The following SGCZ variants were observed in gnomAD, a reference collection of about 807,000 sequenced individuals.
The protein encoded by SGCZ is zeta-sarcoglycan.
In SGCZ, 40 loss-of-function variants were observed where a neutral mutation model predicts 41.3. The observed-to-expected ratio is 0.97, with a 90% CI of 0.75 to 1.26. The LOEUF is 1.26. SGCZ is among the 50% of genes most tolerant of loss of function. The probability of loss-of-function intolerance (pLI) is 0.00; values close to 1 mark genes in which losing one functional copy is unlikely to be tolerated. For synonymous variants in SGCZ, 206 were observed against 137.5 expected, an observed-to-expected ratio of 1.50 and a Z score of -3.49; for missense variants, 552 against 369.8, an observed-to-expected ratio of 1.49 and a Z score of -4.04.
chr8:14,946,057 AATC>A (rs1585402030), intron 1 of SGCZ, among the ~76,000 whole-genome samples: 1 of 52,290 alleles, frequency 1.9e-5, no homozygotes, highest in South Asian at 6.4e-4. Flanking sequence ...TATATATATG[AATC>A]ATTCTGTATA....
intron 2 of SGCZ, among the ~76,000 whole-genome samples, chr8:14,458,759 G>C (rs1315347259): frequency 1.3e-5 from 2 of 151,876 alleles, no homozygotes; most frequent in African/African-American, 4.8e-5. Flanking sequence ...CTGCTAAAAG[G>C]GCCTAGTAGC....
rs527850410 is a variant in SGCZ, at chr8:14,683,717, G to A, written c.40-128791C>T. ...GTGTATAATTCTTCACTTAATTTTT[G>A]GTTTGTTTTATTCTTCCTTCAGTGA... On this transcript the variant is annotated intron_variant, in intron 1 of 7. Coordinates refer to ENST00000382080, the MANE Select transcript of SGCZ (RefSeq NM_139167.4). Among the ~76,000 whole-genome samples the A allele has an allele frequency of 1.6e-3, 241 of 152,014 alleles. 2 individuals carry two copies. Among genetic ancestry groups the A allele is most frequent in the African/African-American group, 5.7e-3 (236 of 41,508 alleles).
chr8:14,462,914 C>T (rs1800943350), intron 2 of SGCZ, among the ~76,000 whole-genome samples: 1 of 151,424 alleles, frequency 6.6e-6, no homozygotes, highest in Non-Finnish European at 1.5e-5. Context: ...GTATCACCTC[C>T]TTGGTTAATT....
chr8:15,126,158 C>G (rs1807673347), intron 1 of SGCZ, among the ~76,000 whole-genome samples: 2 of 151,954 alleles, frequency 1.3e-5, no homozygotes, highest in African/African-American at 4.8e-5. Flanking sequence ...AAAAGCAAAA[C>G]AAACAAACAA....
intron 5 of SGCZ, among the ~76,000 whole-genome samples, chr8:14,114,824 G>T (rs1585147354): frequency 6.6e-6 from 1 of 151,938 alleles, no homozygotes; most frequent in East Asian, 1.9e-4. Flanking sequence ...TGTTTTACTA[G>T]CAGTTGTTTC....
intron 1 of SGCZ, among the ~76,000 whole-genome samples, chr8:14,981,025 G>A (rs1005298727): frequency 1.3e-5 from 2 of 151,912 alleles, no homozygotes; most frequent in Admixed American, 6.6e-5. Flanking sequence ...ACCAAAAATC[G>A]GACTGCCCTA....
At chr8:14,235,645 T>C (rs374326257) in intron 4 of SGCZ, among the ~76,000 whole-genome samples, 6 of 152,154 alleles carry the variant, frequency 3.9e-5, no homozygotes, top group East Asian at 1.9e-4. Context: ...TAAGTAGCTA[T>C]TGTGTCTGAC....
chr8:14,635,850 C>A (rs148509882), intron 1 of SGCZ, among the ~76,000 whole-genome samples: 1,533 of 151,836 alleles, frequency 0.01, 23 homozygotes, highest in African/African-American at 0.035. Context: ...GAAAAGTAGA[C>A]ATATTTCCTG....
chr8:14,231,323 G>A (rs796270678), intron 4 of SGCZ, among the ~76,000 whole-genome samples: 11 of 151,924 alleles, frequency 7.2e-5, no homozygotes, highest in African/African-American at 2.7e-4. Context: ...GGGCAGAGGG[G>A]CACTGGCCCA....
At chr8:14,116,589 G>C (rs1005249381) in intron 5 of SGCZ, among the ~76,000 whole-genome samples, 2 of 152,066 alleles carry the variant, frequency 1.3e-5, no homozygotes, top group Non-Finnish European at 2.9e-5. Flanking sequence ...ATGAGAATCA[G>C]AACATGTGTG....
intron 1 of SGCZ, among the ~76,000 whole-genome samples, chr8:14,990,012 A>T (rs1235082398): frequency 1.3e-5 from 2 of 152,202 alleles, no homozygotes; most frequent in Non-Finnish European, 2.9e-5. Flanking sequence ...ATAGCTGCCT[A>T]CATTTTAATT....
At chr8:15,016,728 A>C (rs1386411942) in intron 1 of SGCZ, among the ~76,000 whole-genome samples, 1 of 152,170 alleles carries the variant, frequency 6.6e-6, no homozygotes, top group Non-Finnish European at 1.5e-5. Flanking sequence ...AGACTGGGTA[A>C]TGTATAAAGA....
At chr8:15,213,348 T>C (rs1445091196) in intron 1 of SGCZ, among the ~76,000 whole-genome samples, 1 of 151,848 alleles carries the variant, frequency 6.6e-6, no homozygotes, top group Non-Finnish European at 1.5e-5. Flanking sequence ...AAAATTTTTT[T>C]CCCTTTGGGT....
chr8:14,418,765 G>C (rs986632139), intron 2 of SGCZ, among the ~76,000 whole-genome samples: 1 of 151,762 alleles, frequency 6.6e-6, no homozygotes, highest in Non-Finnish European at 1.5e-5. Context: ...AAAATAAAAA[G>C]CATTCTTTTC....
intron 1 of SGCZ, among the ~76,000 whole-genome samples, chr8:15,221,827 T>C (rs1801613542): frequency 6.6e-6 from 1 of 152,194 alleles, no homozygotes; most frequent in African/African-American, 2.4e-5. Flanking sequence ...AAACACTGCA[T>C]TTCGTTTTGT....
At chr8:14,638,291 G>A (rs1035385139) in intron 1 of SGCZ, among the ~76,000 whole-genome samples, 1 of 151,820 alleles carries the variant, frequency 6.6e-6, no homozygotes, top group African/African-American at 2.4e-5. Flanking sequence ...TACAACTGCA[G>A]AGCAGGGGTT....
At chr8:14,227,482 G>A (rs11992831) in intron 4 of SGCZ, among the ~76,000 whole-genome samples, 21 of 151,840 alleles carry the variant, frequency 1.4e-4, no homozygotes, top group Admixed American at 1.1e-3. Flanking sequence ...TAGGATTATT[G>A]GATCAAAACA....
intron 5 of SGCZ, among the ~76,000 whole-genome samples, chr8:14,113,050 T>C (rs920493272): frequency 1.1e-4 from 16 of 152,124 alleles, no homozygotes; most frequent in African/African-American, 3.9e-4. Flanking sequence ...CTCCTATTTG[T>C]GTTATTTTAA....
chr8:15,145,129 G>A (rs765686557), intron 1 of SGCZ, among the ~76,000 whole-genome samples: 3 of 152,090 alleles, frequency 2.0e-5, no homozygotes, highest in Non-Finnish European at 2.9e-5. Context: ...AAGCCCTGCC[G>A]TATCGCCTCA....
Sources: allele counts gnomAD v4.1 joint callset (sites outside exome capture counted in the v4.1 genomes callset), GRCh38; gene constraint gnomAD v4.1.1; transcripts MANE v1.5; gene names NCBI Gene and HGNC (gene_info 2026-07-23, HGNC 2026-07-21).